MLLT10: variants seen among roughly 807,000 people sequenced by gnomAD.
The protein encoded by MLLT10 is MLLT10 histone lysine methyltransferase DOT1L cofactor, also known as protein AF-10.
MLLT10 carries 30 observed loss-of-function variants against 129.1 expected under a neutral mutation model. That is an observed-to-expected ratio of 0.23 (90% CI 0.17 to 0.32). The LOEUF is 0.32. Among genes scored for constraint, MLLT10 ranks in the 10% least tolerant of loss-of-function variants. The pLI is 1.00. For missense variants in MLLT10, 1,119 were observed against 1,268.3 expected (o/e 0.88, Z 1.79); for synonymous variants, 490 against 446.4 (o/e 1.10, Z -1.23).
chr10:21,694,087 T>C (rs1432679293), intron 13 of MLLT10, among the ~76,000 whole-genome samples: 1 of 152,242 alleles, frequency 6.6e-6, no homozygotes, highest in South Asian at 2.1e-4. Flanking sequence ...ATTGCAAGTA[T>C]AGTAGAGAGA....
intron 8 of MLLT10, among the ~76,000 whole-genome samples, chr10:21,640,692 T>G (rs1022181841): frequency 6.6e-6 from 1 of 152,188 alleles, no homozygotes; most frequent in Non-Finnish European, 1.5e-5. Context: ...GGCTATTCAC[T>G]ATATGAGCAA....
intron 9 of MLLT10, among the ~76,000 whole-genome samples, chr10:21,658,778 C>T (rs1589473900): frequency 1.3e-5 from 2 of 152,270 alleles, no homozygotes; most frequent in East Asian, 3.9e-4. Context: ...ATTCTCCTGC[C>T]TCAGCCTCCC....
chr10:21,662,882 C>T (rs1243526354), intron 9 of MLLT10, among the ~76,000 whole-genome samples: 2 of 152,206 alleles, frequency 1.3e-5, no homozygotes, highest in African/African-American at 2.4e-5. Flanking sequence ...GAACCTCTAC[C>T]CCTGGAATGT....
At chr10:21,709,089 T>G (rs1209614007) in intron 13 of MLLT10, among the ~76,000 whole-genome samples, 1 of 152,170 alleles carries the variant, frequency 6.6e-6, no homozygotes, top group Non-Finnish European at 1.5e-5. Context: ...TTGAACCCAG[T>G]TTTGTCTAAG....
chr10:21,594,989 A>C (rs2042907774), intron 4 of MLLT10, among the ~76,000 whole-genome samples: 1 of 152,196 alleles, frequency 6.6e-6, no homozygotes, highest in African/African-American at 2.4e-5. Context: ...CGTAAGTATT[A>C]AACTTTTAAA....
intron 3 of MLLT10, among the ~76,000 whole-genome samples, chr10:21,544,337 G>A (rs1415202906): frequency 6.6e-6 from 1 of 152,092 alleles, no homozygotes; most frequent in Non-Finnish European, 1.5e-5. Context: ...TAAAACAAAA[G>A]CCCAACTTTG....
At chr10:21,666,470 C>T (rs2050808466) in intron 9 of MLLT10, among the ~76,000 whole-genome samples, 1 of 151,950 alleles carries the variant, frequency 6.6e-6, no homozygotes, top group African/African-American at 2.4e-5. Flanking sequence ...TCAAGACCAT[C>T]CTGCCCAACA....
chr10:21,646,444 T>C (rs986074288), intron 8 of MLLT10, among the ~76,000 whole-genome samples: 1 of 152,170 alleles, frequency 6.6e-6, no homozygotes, highest in African/African-American at 2.4e-5. Flanking sequence ...ATTTTCATCA[T>C]GGGTGCCTTA....
chr10:21,662,045 T>C (rs1407897496), intron 9 of MLLT10, among the ~76,000 whole-genome samples: 1 of 152,180 alleles, frequency 6.6e-6, no homozygotes, highest in African/African-American at 2.4e-5. Context: ...TTTAAGTGTT[T>C]TATTTCACTG....
At chr10:21,607,732 A>G (rs966929299) in intron 5 of MLLT10, among the ~76,000 whole-genome samples, 7 of 152,340 alleles carry the variant, frequency 4.6e-5, no homozygotes. Context: ...TAATTCAGCT[A>G]TTTAAATTAA....
intron 4 of MLLT10, among the ~76,000 whole-genome samples, chr10:21,591,706 C>T (rs987220281): frequency 6.6e-6 from 1 of 150,572 alleles, no homozygotes; most frequent in Non-Finnish European, 1.5e-5. Flanking sequence ...TAAATTCAGT[C>T]TCTACTGAGT....
chr10:21,649,529 A>C (rs1203884111), intron 8 of MLLT10, among the ~76,000 whole-genome samples: 1 of 152,168 alleles, frequency 6.6e-6, no homozygotes, highest in East Asian at 1.9e-4. Context: ...TCTTTCTTCC[A>C]TGTGGTATCT....
intron 3 of MLLT10, among the ~76,000 whole-genome samples, chr10:21,548,626 C>T (rs1180760946): frequency 2.6e-5 from 4 of 152,158 alleles, no homozygotes; most frequent in Non-Finnish European, 4.4e-5. Context: ...ACCTTTGCCT[C>T]CCAAAATGCT....
At chr10:21,701,136 C>T (rs1328170441) in intron 13 of MLLT10, among the ~76,000 whole-genome samples, 1 of 151,988 alleles carries the variant, frequency 6.6e-6, no homozygotes, top group African/African-American at 2.4e-5. Flanking sequence ...TCTCTGCTGT[C>T]TTTCATATTT....
rs532404325 is a variant in MLLT10 at position 21,661,371 on chromosome 10, G to C, written c.796-9078G>C. Among the ~76,000 whole-genome samples the C allele has an allele frequency of 5.9e-5, 9 of 152,266 alleles. No homozygotes were observed. The South Asian group carries it at 6.2e-4, about 11-fold the overall frequency. ...GTGTCCTTAACTGATTTTCTCACTA[G>C]TGTATCTGTTAATTTCTGGCTGCAG... On this transcript the variant is annotated intron_variant, in intron 9 of 22. Transcript: ENST00000307729.
chr10:21,568,976 G>A (rs965022258), intron 3 of MLLT10, among the ~76,000 whole-genome samples: 1 of 152,120 alleles, frequency 6.6e-6, no homozygotes, highest in Non-Finnish European at 1.5e-5. Flanking sequence ...TCCAAATATT[G>A]GGATTGTCTT....
chr10:21,641,390 A>C (rs1483897233), intron 8 of MLLT10, among the ~76,000 whole-genome samples: 3 of 152,244 alleles, frequency 2.0e-5, no homozygotes, highest in Non-Finnish European at 4.4e-5. Context: ...AATTAGAGAA[A>C]AATTATTAAA....
chr10:21,633,058 G>A (rs2047147349), intron 8 of MLLT10, among the ~76,000 whole-genome samples: 1 of 152,068 alleles, frequency 6.6e-6, no homozygotes, highest in African/African-American at 2.4e-5. Context: ...CATCACTATG[G>A]TAGCTCATAT....
chr10:21,739,912 CTTG>C (rs2058692135), intron 21 of MLLT10, 115 bp from the exon 22 acceptor site: 1 of 782,784 alleles, frequency 1.3e-6, no homozygotes, highest in Non-Finnish European at 2.0e-6. Context: ...AGATGAGATA[CTTG>C]TTTTCTTTCT....
Sources: gnomAD v4.1 joint callset for allele counts (sites outside exome capture counted in the v4.1 genomes callset) on GRCh38, gnomAD v4.1.1 for gene constraint, MANE v1.5 for transcripts, NCBI Gene and HGNC (gene_info 2026-07-23, HGNC 2026-07-21) for gene names.